The following CLSTN2 variants were observed in gnomAD, a reference collection of about 807,000 sequenced individuals.
The protein encoded by CLSTN2 is calsyntenin-2.
CLSTN2 carries 48 observed loss-of-function variants against 101.2 expected under a neutral mutation model. The observed-to-expected ratio is 0.47, with a 90% CI of 0.38 to 0.60. CLSTN2 has a LOEUF of 0.60. CLSTN2 is among the 20% of genes least tolerant of loss of function. CLSTN2 has a pLI of 0.00. For synonymous variants in CLSTN2, 481 were observed against 463.6 expected, an observed-to-expected ratio of 1.04 and a Z score of -0.48; for missense variants, 1,160 against 1,238.2, an observed-to-expected ratio of 0.94 and a Z score of 0.95.
intron 2 of CLSTN2, among the ~76,000 whole-genome samples, chr3:140,348,127 T>A (rs903490697): frequency 2.6e-5 from 4 of 152,230 alleles, no homozygotes; most frequent in Admixed American, 6.5e-5. Context: ...TATGGAGCTT[T>A]GACCTTGGAA....
rs560302333 is a variant in CLSTN2, at chr3:140,500,405, T to C, written c.1345-31919T>C. 2.0e-5 allele frequency among the ~76,000 whole-genome samples: 3 copies of C among 152,320 alleles called. No individual in the cohort carries two copies. In the South Asian group the frequency reaches 6.2e-4, roughly 32 times the overall value. On this transcript the variant is annotated intron_variant, in intron 8 of 16. Transcript: ENST00000458420. ...TGTGAGGGAAGGACAAACTTTCTGA[T>C]ATGAGCAATCCCATCATGGAACCAA...
intron 1 of CLSTN2, among the ~76,000 whole-genome samples, chr3:140,088,959 GTTT>G (rs1011520905): frequency 4.6e-5 from 7 of 152,104 alleles, no homozygotes; most frequent in Non-Finnish European, 8.8e-5. Context: ...TTTGTTCCAA[GTTT>G]TTTAAGTGGA....
At chr3:140,405,509 G>T (rs1285699223) in intron 4 of CLSTN2, among the ~76,000 whole-genome samples, 1 of 152,174 alleles carries the variant, frequency 6.6e-6, no homozygotes, top group Non-Finnish European at 1.5e-5. Flanking sequence ...TTACAGGCGT[G>T]AGCCACTGTG....
At chr3:140,109,747 G>C (rs544052049) in intron 1 of CLSTN2, among the ~76,000 whole-genome samples, 1 of 152,282 alleles carries the variant, frequency 6.6e-6, no homozygotes, top group South Asian at 2.1e-4. Context: ...ATGGCACAGA[G>C]ACAGGACCAA....
intron 1 of CLSTN2, among the ~76,000 whole-genome samples, chr3:140,172,278 A>G (rs2010250802): frequency 6.6e-6 from 1 of 152,114 alleles, no homozygotes; most frequent in Non-Finnish European, 1.5e-5. Flanking sequence ...CAGTTAAGTA[A>G]TCAGATTAAT....
At chr3:140,477,901 CTG>C (rs1338481698) in intron 8 of CLSTN2, among the ~76,000 whole-genome samples, 1 of 152,212 alleles carries the variant, frequency 6.6e-6, no homozygotes, top group Admixed American at 6.5e-5. Flanking sequence ...ATAAAACACA[CTG>C]TGTCATAGGC....
intron 1 of CLSTN2, among the ~76,000 whole-genome samples, chr3:140,174,803 G>A (rs9818563): frequency 0.27 from 40,524 of 152,052 alleles, 5,735 homozygotes; most frequent in African/African-American, 0.33. Flanking sequence ...GGGAATTATG[G>A]GAGTACAATT....
chr3:139,949,331 T>C (rs1263686632), intron 1 of CLSTN2, among the ~76,000 whole-genome samples: 1 of 152,152 alleles, frequency 6.6e-6, no homozygotes, highest in Non-Finnish European at 1.5e-5. Context: ...TGTGGGGGAA[T>C]GTAAGGCTGG....
chr3:140,086,293 T>C (rs956213441), intron 1 of CLSTN2, among the ~76,000 whole-genome samples: 2 of 152,328 alleles, frequency 1.3e-5, no homozygotes, highest in Non-Finnish European at 2.9e-5. Flanking sequence ...AGAGCTGTAG[T>C]GTGCATGCTG....
chr3:140,309,691 A>G (rs867821196), intron 2 of CLSTN2, among the ~76,000 whole-genome samples: 6 of 152,076 alleles, frequency 3.9e-5, no homozygotes, highest in Admixed American at 6.5e-5. Flanking sequence ...CCAGACAGCC[A>G]CAAGAGTCAC....
At chr3:140,283,550 G>A (rs553606214) in intron 2 of CLSTN2, among the ~76,000 whole-genome samples, 1 of 152,136 alleles carries the variant, frequency 6.6e-6, no homozygotes, top group South Asian at 2.1e-4. Flanking sequence ...TGGGCACGAG[G>A]TCACCCAGAT....
At chr3:140,548,394 C>T (rs1313697090) in intron 10 of CLSTN2, among the ~76,000 whole-genome samples, 1 of 152,110 alleles carries the variant, frequency 6.6e-6, no homozygotes, top group African/African-American at 2.4e-5. Context: ...ACATGAGGAA[C>T]GAAAGACTGA....
At chr3:140,373,650 A>G (rs143098802) in intron 2 of CLSTN2, among the ~76,000 whole-genome samples, 2 of 152,316 alleles carry the variant, frequency 1.3e-5, no homozygotes, top group East Asian at 1.9e-4. Context: ...AATCAGTACT[A>G]TTAGCTCAGA....
At chr3:140,221,585 G>A (rs1475183841) in intron 2 of CLSTN2, among the ~76,000 whole-genome samples, 6 of 152,168 alleles carry the variant, frequency 3.9e-5, no homozygotes, top group Admixed American at 6.5e-5. Context: ...CTATCTATCT[G>A]ACAAGGGGAT....
chr3:140,209,135 C>A (rs2010822302), intron 2 of CLSTN2, among the ~76,000 whole-genome samples: 3 of 152,120 alleles, frequency 2.0e-5, no homozygotes, highest in African/African-American at 7.2e-5. Context: ...TTTTTTAAAC[C>A]TGGGGACTCC....
intron 1 of CLSTN2, among the ~76,000 whole-genome samples, chr3:140,025,357 C>A (rs1250654834): frequency 1.3e-5 from 2 of 152,198 alleles, no homozygotes; most frequent in Non-Finnish European, 2.9e-5. Context: ...TGCAGCTTTG[C>A]AAGAGCAGAG....
intron 2 of CLSTN2, among the ~76,000 whole-genome samples, chr3:140,336,104 T>G (rs2087437418): frequency 6.6e-6 from 1 of 152,210 alleles, no homozygotes; most frequent in African/African-American, 2.4e-5. Flanking sequence ...GTAAATCTGT[T>G]GTCAATTGGC....
chr3:140,144,350 G>A (rs927281018), intron 1 of CLSTN2, among the ~76,000 whole-genome samples: 2 of 152,186 alleles, frequency 1.3e-5, no homozygotes, highest in Admixed American at 1.3e-4. Context: ...GCTTACACCT[G>A]TAATCCCAGC....
At chr3:140,046,695 G>C (rs186983829) in intron 1 of CLSTN2, among the ~76,000 whole-genome samples, 81 of 152,264 alleles carry the variant, frequency 5.3e-4, no homozygotes, top group South Asian at 1.9e-3. Flanking sequence ...AGGAGCTCTT[G>C]TAGGGCAGGC....
Sources: gnomAD v4.1 joint callset for allele counts (sites outside exome capture counted in the v4.1 genomes callset) on GRCh38, gnomAD v4.1.1 for gene constraint, MANE v1.5 for transcripts, NCBI Gene and HGNC (gene_info 2026-07-23, HGNC 2026-07-21) for gene names.